ITPR2: variants seen among roughly 807,000 people sequenced by gnomAD.
ITPR2 encodes the protein inositol 1,4,5-trisphosphate-gated calcium channel ITPR2.
A neutral mutation model predicts 317.1 loss-of-function variants in ITPR2; 207 were observed. The ratio of observed to expected loss-of-function variants is 0.65; its 90% CI spans 0.58 to 0.73. The LOEUF (loss-of-function observed/expected upper bound fraction) is 0.73. Ranked by LOEUF, ITPR2 falls within the 30% of genes least tolerant of loss-of-function variation. The pLI is 0.00. For missense variants in ITPR2, 2,613 were observed against 3,284.0 expected (o/e 0.80, Z 4.99); for synonymous variants, 1,156 against 1,149.1 (o/e 1.01, Z -0.12).
At chr12:26,821,600 G>A (rs1361482497) in intron 1 of ITPR2, among the ~76,000 whole-genome samples, 1 of 152,188 alleles carries the variant, frequency 6.6e-6, no homozygotes, top group East Asian at 1.9e-4. Context: ...CTTTCCGTAA[G>A]CTGGTCAGAG....
Position 26,476,930 on chromosome 12 carries a change from G to T in ITPR2, c.6201C>A (p.Asn2067Lys). The change falls in exon 44 of 57, where the codon AAC (asparagine) becomes AAA (lysine). Residue 2067 changes from asparagine to lysine, a missense_variant. By Grantham distance (94) the Asn-to-Lys change is moderately conservative (BLOSUM62 0). Around this residue, in one of 9 missense-constraint regions of ITPR2, gnomAD observed 926 missense variants for 1,072.8 expected, o/e 0.86. Transcript: ENST00000381340. ...DSENAERILF[N>K]MRPRELVDVM... ...TTCTTACCAGTTCTCTGGGTCTCAT[G>T]TTAAAAAGAATTCTTTCTGCATTCT... The T allele has an allele frequency of 6.2e-7, 1 of 1,612,438 alleles. No homozygotes were observed. Among genetic ancestry groups the T allele is most frequent in the Non-Finnish European group, 8.5e-7 (1 of 1,178,698 alleles).
intron 21 of ITPR2, among the ~76,000 whole-genome samples, chr12:26,646,195 G>A (rs1947110795): frequency 6.6e-6 from 1 of 151,632 alleles, no homozygotes; most frequent in East Asian, 1.9e-4. Context: ...CAAATAATCA[G>A]TTTTGAACTA....
At chr12:26,666,163 T>TAGATAGATAGATAGATAGATAGATAGA in intron 13 of ITPR2, 112 bp from the exon 14 acceptor site, 1 of 411,846 alleles carries the variant, frequency 2.4e-6, no homozygotes. Context: ...GATAGATAGA[T>TAGATAGATAGATAGATAGATAGATAGA]TTTTTTTTAC....
intron 10 of ITPR2, among the ~76,000 whole-genome samples, chr12:26,687,726 A>C (rs1308074015): frequency 6.6e-6 from 1 of 152,188 alleles, no homozygotes; most frequent in African/African-American, 2.4e-5. Flanking sequence ...GAATGGGCAG[A>C]GGGAACTGCC....
Position 26,587,979 on chromosome 12 carries a change from G to T in ITPR2, c.4380+7486C>A, listed in dbSNP as rs187448965. ...AGAATTTGTGGAAGGACTGGATTTT[G>T]GGTAGAAGAAAATAAGATTTACAGA... On this transcript the variant is annotated intron_variant, in intron 32 of 56. Coordinates refer to ENST00000381340, the MANE Select transcript of ITPR2 (RefSeq NM_002223.4). 3.4e-3 allele frequency among the ~76,000 whole-genome samples: 519 copies of T among 152,272 alleles called. 4 individuals carry two copies. Among genetic ancestry groups the T allele is most frequent in the African/African-American group, 0.012 (497 of 41,540 alleles).
At chr12:26,674,610 C>A (rs1269681168) in intron 13 of ITPR2, among the ~76,000 whole-genome samples, 1 of 152,184 alleles carries the variant, frequency 6.6e-6, no homozygotes, top group African/African-American at 2.4e-5. Flanking sequence ...AAAACCTAGG[C>A]ATTACCATTC....
intron 37 of ITPR2, among the ~76,000 whole-genome samples, chr12:26,516,791 G>A (rs1036405255): frequency 2.6e-5 from 4 of 151,708 alleles, no homozygotes; most frequent in Admixed American, 1.3e-4. Context: ...AAATAAGCTC[G>A]ACACTACAGC....
chr12:26,533,218 T>TA (rs1943991952), intron 37 of ITPR2, among the ~76,000 whole-genome samples: 1 of 152,206 alleles, frequency 6.6e-6, no homozygotes, highest in Non-Finnish European at 1.5e-5. Context: ...GACTTTCTGC[T>TA]AAAAAACCTA....
At chr12:26,382,392 C>T (rs1045853008) in intron 55 of ITPR2, among the ~76,000 whole-genome samples, 1 of 152,128 alleles carries the variant, frequency 6.6e-6, no homozygotes, top group African/African-American at 2.4e-5. Flanking sequence ...AGGCTAGGTG[C>T]TGTGGCTCAC....
chr12:26,494,771 G>GACAA (rs1208484486), intron 38 of ITPR2, among the ~76,000 whole-genome samples: 25 of 50,356 alleles, frequency 5.0e-4, no homozygotes, highest in Non-Finnish European at 6.5e-4. Flanking sequence ...CTCTGCCTCA[G>GACAA]AAAAAAAAAA....
chr12:26,351,429 A>C (rs150051380), intron 55 of ITPR2, among the ~76,000 whole-genome samples: 1 of 152,262 alleles, frequency 6.6e-6, no homozygotes, highest in Non-Finnish European at 1.5e-5. Flanking sequence ...TTTTTCCTAC[A>C]GAAATGTCAA....
chr12:26,648,685 A>G (rs112487004), intron 21 of ITPR2: 4 of 152,182 alleles, frequency 2.6e-5, no homozygotes, highest in African/African-American at 4.8e-5. Flanking sequence ...AGAGTATTGT[A>G]ATGTGGTAAC....
At chr12:26,433,759 G>A (rs1308531205) in intron 48 of ITPR2, among the ~76,000 whole-genome samples, 1 of 152,136 alleles carries the variant, frequency 6.6e-6, no homozygotes, top group African/African-American at 2.4e-5. Flanking sequence ...CTATTTAGCT[G>A]GACTGAGGTA....
rs532829342 is a variant in ITPR2 at position 26,335,607 on chromosome 12, T to C, written c.*3790A>G. Among the ~76,000 whole-genome samples, 1 of 152,356 alleles carries C rather than the reference T, an allele frequency of 6.6e-6. No individual in the cohort carries two copies. Among genetic ancestry groups the C allele is most frequent in the South Asian group, 2.1e-4 (1 of 4,828 alleles). ...TGCACGTTAGGCTATCTGGTTTTGA[T>C]AGTGCGTGTTTTCTTCTATTAAGTG... On this transcript the variant is annotated 3_prime_UTR_variant, in exon 57 of 57. Transcript: ENST00000381340.
chr12:26,829,261 T>C (rs967306038), intron 1 of ITPR2, among the ~76,000 whole-genome samples: 2 of 152,226 alleles, frequency 1.3e-5, no homozygotes, highest in African/African-American at 4.8e-5. Flanking sequence ...ACTGCCCTGT[T>C]TTCAAAGTAG....
At chr12:26,345,772 T>C (rs1370584495) in intron 55 of ITPR2, among the ~76,000 whole-genome samples, 1 of 152,218 alleles carries the variant, frequency 6.6e-6, no homozygotes, top group Non-Finnish European at 1.5e-5. Flanking sequence ...CCCCAGACTT[T>C]AACCTAAGCC....
chr12:26,416,901 C>T (rs1424924065), intron 50 of ITPR2, among the ~76,000 whole-genome samples: 1 of 152,058 alleles, frequency 6.6e-6, no homozygotes, highest in Non-Finnish European at 1.5e-5. Context: ...CTCTAGAGAA[C>T]GTTTACAGCT....
chr12:26,809,746 A>T (rs1950701928), intron 1 of ITPR2, among the ~76,000 whole-genome samples: 1 of 152,128 alleles, frequency 6.6e-6, no homozygotes, highest in Middle Eastern at 3.2e-3. Context: ...GATGATTTCC[A>T]ACCAAACCTA....
Position 26,411,340 on chromosome 12 carries a change from G to C in ITPR2, c.7379C>G (p.Thr2460Arg), listed in dbSNP as rs762268694. ...CAAACCTGTATTTGAAGCTGGAATT[G>C]TGGGTGAACAGTTCTCCTTGGCACA... Reference protein sequence around the residue: ...EACAKENCSPTIPASNTADEE... With the variant: ...EACAKENCSPRIPASNTADEE... Residue 2460 changes from threonine to arginine, a missense_variant, in exon 52 of 57, where the codon ACA becomes AGA. This residue lies in a region of ITPR2 where 113 missense variants were observed against 129.2 expected (regional missense o/e 0.87). Transcript: ENST00000381340. 3 of 1,613,200 alleles carry C rather than the reference G, an allele frequency of 1.9e-6. No individual in the cohort carries two copies. The African/African-American group carries it at 4.0e-5, about 22-fold the overall frequency.
Sources: allele counts gnomAD v4.1 joint callset (sites outside exome capture counted in the v4.1 genomes callset), GRCh38; gene constraint gnomAD v4.1.1; regional missense constraint gnomAD v4.1.1; transcripts MANE v1.5; gene names NCBI Gene and HGNC (gene_info 2026-07-23, HGNC 2026-07-21).